The following PTPRM variants were observed in gnomAD, a reference collection of about 807,000 sequenced individuals.
PTPRM encodes protein tyrosine phosphatase receptor type M.
In PTPRM, 47 loss-of-function variants were observed where a neutral mutation model predicts 186.7. The ratio of observed to expected loss-of-function variants is 0.25; its 90% CI spans 0.20 to 0.32. The LOEUF is 0.32. Among genes scored for constraint, PTPRM ranks in the 10% least tolerant of loss-of-function variants. The probability of loss-of-function intolerance (pLI) is 1.00; values close to 1 mark genes in which losing one functional copy is unlikely to be tolerated. For missense variants in PTPRM, 1,494 were observed against 1,865.0 expected, an observed-to-expected ratio of 0.80 and a Z score of 3.66; for synonymous variants, 668 against 674.9, an observed-to-expected ratio of 0.99 and a Z score of 0.16.
At chr18:8,094,179 G>C (rs765345177) in intron 11 of PTPRM, among the ~76,000 whole-genome samples, 2 of 152,046 alleles carry the variant, frequency 1.3e-5, no homozygotes, top group Non-Finnish European at 2.9e-5. Flanking sequence ...AAAACTTATA[G>C]TGTAAAACCT....
intron 22 of PTPRM, among the ~76,000 whole-genome samples, chr18:8,321,132 G>T (rs898103769): frequency 1.7e-4 from 26 of 152,150 alleles, no homozygotes; most frequent in Non-Finnish European, 1.5e-5. Context: ...CACAACATCA[G>T]ATTTAATACA....
chr18:8,113,400 G>A (rs184195786), intron 11 of PTPRM, 86 bp from the exon 12 acceptor site: 72 of 1,227,596 alleles, frequency 5.9e-5, no homozygotes, highest in Admixed American at 3.9e-4. Flanking sequence ...TTTATTTTGC[G>A]TGTCCTGTGG....
chr18:7,994,039 T>A (rs902549651), intron 7 of PTPRM, among the ~76,000 whole-genome samples: 2 of 151,934 alleles, frequency 1.3e-5, no homozygotes, highest in African/African-American at 4.8e-5. Flanking sequence ...AAATATATAA[T>A]ATAGCAAGAC....
At chr18:8,153,000 G>A (rs2093045137) in intron 14 of PTPRM, among the ~76,000 whole-genome samples, 1 of 152,130 alleles carries the variant, frequency 6.6e-6, no homozygotes, top group African/African-American at 2.4e-5. Context: ...ACAGGCATGA[G>A]CCACTGCGCC....
intron 7 of PTPRM, among the ~76,000 whole-genome samples, chr18:7,985,082 A>ATTGT (rs1287365503): frequency 3.9e-5 from 5 of 129,020 alleles, no homozygotes; most frequent in Non-Finnish European, 3.1e-5. Context: ...TACATATATA[A>ATTGT]ATATATACAT....
intron 7 of PTPRM, among the ~76,000 whole-genome samples, chr18:8,041,843 G>C (rs1245758035): frequency 6.6e-6 from 1 of 152,106 alleles, no homozygotes; most frequent in Non-Finnish European, 1.5e-5. Context: ...TTCATGCAAG[G>C]GAAAGAAAAT....
intron 4 of PTPRM, among the ~76,000 whole-genome samples, chr18:7,918,815 G>A (rs533213786): frequency 2.0e-5 from 3 of 152,196 alleles, no homozygotes; most frequent in Admixed American, 2.0e-4. Flanking sequence ...AGTCCCATTT[G>A]TCTGTTTTTG....
At chr18:7,703,577 G>T (rs1432223626) in intron 1 of PTPRM, among the ~76,000 whole-genome samples, 1 of 152,190 alleles carries the variant, frequency 6.6e-6, no homozygotes, top group Non-Finnish European at 1.5e-5. Context: ...TTTGGGTTGA[G>T]ATGATGGGGT....
intron 14 of PTPRM, among the ~76,000 whole-genome samples, chr18:8,176,483 T>C (rs1174840638): frequency 6.6e-6 from 1 of 152,150 alleles, no homozygotes; most frequent in East Asian, 1.9e-4. Flanking sequence ...TGTCCCTGTG[T>C]GAAAAAATAT....
chr18:8,359,395 A>G (rs1215043820), intron 23 of PTPRM, among the ~76,000 whole-genome samples: 1 of 152,248 alleles, frequency 6.6e-6, no homozygotes, highest in Admixed American at 6.5e-5. Flanking sequence ...ACCTGCCTCC[A>G]TGGTCACCCC....
chr18:8,276,485 G>C (rs1397028955), intron 19 of PTPRM, among the ~76,000 whole-genome samples: 1 of 152,144 alleles, frequency 6.6e-6, no homozygotes, highest in Non-Finnish European at 1.5e-5. Flanking sequence ...TCCTCGTGGT[G>C]GTGGGAAGAG....
intron 19 of PTPRM, among the ~76,000 whole-genome samples, chr18:8,290,709 T>A (rs78874972): frequency 0.089 from 13,536 of 152,234 alleles, 702 homozygotes; most frequent in Non-Finnish European, 0.11. Flanking sequence ...TTTGGAGACT[T>A]ATTACTCTTT....
Position 8,113,921 on chromosome 18 carries a change from T to G in PTPRM, c.2130+162T>G, listed in dbSNP as rs182028619. 3.0e-3 allele frequency among the ~76,000 whole-genome samples: 461 copies of G among 151,220 alleles called. 3 individuals carry two copies. Among genetic ancestry groups the G allele is most frequent in the African/African-American group, 0.011 (439 of 40,936 alleles). On this transcript the variant is annotated intron_variant, in intron 12 of 32. Transcript: ENST00000580170. Reference sequence around the variant, plus strand: ...AAAATTATTTTTGTCTAGAGAAATTTATGGAAAGAAACAAATATACTCATC... The same window carrying G: ...AAAATTATTTTTGTCTAGAGAAATTGATGGAAAGAAACAAATATACTCATC...
At chr18:8,100,388 A>G (rs1363716435) in intron 11 of PTPRM, among the ~76,000 whole-genome samples, 1 of 151,980 alleles carries the variant, frequency 6.6e-6, no homozygotes, top group Non-Finnish European at 1.5e-5. Flanking sequence ...TGATCTACCC[A>G]CCTTGGCGTC....
intron 1 of PTPRM, among the ~76,000 whole-genome samples, chr18:7,677,388 G>A (rs2039369268): frequency 6.6e-6 from 1 of 152,176 alleles, no homozygotes. Flanking sequence ...AACAGATACA[G>A]CATAACTATA....
intron 1 of PTPRM, among the ~76,000 whole-genome samples, chr18:7,618,029 T>A (rs1032874890): frequency 1.2e-4 from 19 of 152,208 alleles, no homozygotes; most frequent in African/African-American, 4.6e-4. Flanking sequence ...CTCTGAGATG[T>A]TGCCTTGAAT....
chr18:8,141,511 C>T (rs1330622320), intron 13 of PTPRM, among the ~76,000 whole-genome samples: 2 of 152,196 alleles, frequency 1.3e-5, no homozygotes, highest in South Asian at 2.1e-4. Flanking sequence ...GTAACCACCC[C>T]TCCTTGGCCC....
intron 1 of PTPRM, among the ~76,000 whole-genome samples, chr18:7,682,252 G>A (rs1025689521): frequency 2.6e-5 from 4 of 152,134 alleles, no homozygotes; most frequent in Admixed American, 2.6e-4. Context: ...ACCCCACTAA[G>A]TATAAAATAG....
chr18:7,838,342 C>T (rs2046156322), intron 2 of PTPRM, among the ~76,000 whole-genome samples: 1 of 152,174 alleles, frequency 6.6e-6, no homozygotes, highest in Non-Finnish European at 1.5e-5. Flanking sequence ...CCAGGACCCT[C>T]CCACGACATG....
Sources: allele counts gnomAD v4.1 joint callset (sites outside exome capture counted in the v4.1 genomes callset), GRCh38; gene constraint gnomAD v4.1.1; transcripts MANE v1.5; gene names NCBI Gene and HGNC (gene_info 2026-07-23, HGNC 2026-07-21).